LRFN2: variants seen among roughly 807,000 people sequenced by gnomAD.
LRFN2 encodes leucine-rich repeat and fibronectin type-III domain-containing protein 2.
LRFN2 carries 18 observed loss-of-function variants against 37.3 expected under a neutral mutation model. The observed-to-expected ratio is 0.48, with a 90% confidence interval of 0.33 to 0.72. LRFN2 has a LOEUF of 0.72. Ranked by LOEUF, LRFN2 falls within the 30% of genes least tolerant of loss-of-function variation. LRFN2 has a pLI of 0.02. For synonymous variants in LRFN2, 556 were observed against 466.6 expected, an observed-to-expected ratio of 1.19 and a Z score of -2.47; for missense variants, 1,006 against 1,060.7, an observed-to-expected ratio of 0.95 and a Z score of 0.72.
intron 2 of LRFN2, among the ~76,000 whole-genome samples, chr6:40,420,208 C>A (rs1763190180): frequency 6.6e-6 from 1 of 152,224 alleles, no homozygotes; most frequent in African/African-American, 2.4e-5. Flanking sequence ...CTGCATGGCC[C>A]TGCATTCACC....
intron 1 of LRFN2, among the ~76,000 whole-genome samples, chr6:40,523,349 G>A (rs571262668): frequency 3.1e-4 from 47 of 152,070 alleles, no homozygotes; most frequent in Middle Eastern, 3.4e-3. Context: ...TGGGTTTCAC[G>A]CAAAATGGGG....
rs1337252345 is a variant in LRFN2 at position 40,482,924 on chromosome 6, G to T, written c.-18-49793C>A. 3.3e-5 allele frequency among the ~76,000 whole-genome samples: 5 copies of T among 152,202 alleles called. No individual in the cohort carries two copies. The East Asian group carries it at 9.7e-4, about 29-fold the overall frequency. On this transcript the variant is annotated intron_variant, in intron 1 of 2. Coordinates refer to ENST00000338305, the MANE Select transcript of LRFN2 (RefSeq NM_020737.3). Reference sequence around the variant, plus strand: ...ACATGACTAGGGCGCCTAAGGGGCTGTGCCCACGCCACTGCCAGCTCCCTG... The same window carrying T: ...ACATGACTAGGGCGCCTAAGGGGCTTTGCCCACGCCACTGCCAGCTCCCTG...
chr6:40,509,030 G>A (rs545950800), intron 1 of LRFN2, among the ~76,000 whole-genome samples: 1 of 152,292 alleles, frequency 6.6e-6, no homozygotes, highest in African/African-American at 2.4e-5. Context: ...CCTTCCACCT[G>A]TGAGGTCTGC....
intron 1 of LRFN2, among the ~76,000 whole-genome samples, chr6:40,577,450 C>T (rs1226294697): frequency 2.0e-5 from 3 of 152,154 alleles, no homozygotes; most frequent in Non-Finnish European, 4.4e-5. Flanking sequence ...TCTTTCAAAC[C>T]AAAAGATCCA....
At chr6:40,523,249 C>T (rs1001217401) in intron 1 of LRFN2, among the ~76,000 whole-genome samples, 22 of 152,116 alleles carry the variant, frequency 1.4e-4, no homozygotes, top group African/African-American at 3.9e-4. Context: ...ATTTGAACCC[C>T]TCCTTGTCCT....
intron 2 of LRFN2, among the ~76,000 whole-genome samples, chr6:40,396,551 C>A (rs6931327): frequency 1.3e-5 from 2 of 152,124 alleles, no homozygotes; most frequent in Admixed American, 1.3e-4. Flanking sequence ...TCTTGGCGGG[C>A]CACTGGAACC....
chr6:40,583,153 T>C (rs1302529088), intron 1 of LRFN2, among the ~76,000 whole-genome samples: 8 of 150,952 alleles, frequency 5.3e-5, no homozygotes, highest in Non-Finnish European at 1.2e-4. Flanking sequence ...ACTTAATCTT[T>C]TGATATAAAA....
At chr6:40,466,920 A>C (rs58590585) in intron 1 of LRFN2, among the ~76,000 whole-genome samples, 2 of 151,998 alleles carry the variant, frequency 1.3e-5, no homozygotes, top group Admixed American at 6.5e-5. Context: ...GGTATTCTTA[A>C]AAGAAGTAAA....
intron 1 of LRFN2, among the ~76,000 whole-genome samples, chr6:40,474,526 G>A (rs1764669257): frequency 6.6e-6 from 1 of 152,090 alleles, no homozygotes; most frequent in South Asian, 2.1e-4. Flanking sequence ...GTCTCACTCT[G>A]TCACCCAGGC....
intron 1 of LRFN2, among the ~76,000 whole-genome samples, chr6:40,508,146 C>T (rs974649401): frequency 2.6e-5 from 4 of 152,200 alleles, no homozygotes; most frequent in East Asian, 3.8e-4. Flanking sequence ...CTCACCTCCA[C>T]CTAAACTTGA....
chr6:40,449,880 A>AG (rs1465127396), intron 1 of LRFN2, among the ~76,000 whole-genome samples: 3 of 152,142 alleles, frequency 2.0e-5, no homozygotes, highest in Non-Finnish European at 4.4e-5. Flanking sequence ...TACATGATAG[A>AG]GAAAAAAAAA....
intron 1 of LRFN2, among the ~76,000 whole-genome samples, chr6:40,468,421 A>C (rs900047177): frequency 3.3e-5 from 5 of 152,154 alleles, no homozygotes; most frequent in Non-Finnish European, 5.9e-5. Context: ...AAAGCAAAGG[A>C]ATCAGTGAGA....
At chr6:40,424,342 C>T (rs1336967932) in intron 2 of LRFN2, among the ~76,000 whole-genome samples, 1 of 152,310 alleles carries the variant, frequency 6.6e-6, no homozygotes, top group East Asian at 1.9e-4. Flanking sequence ...GCTGGTGTCC[C>T]CACCCCAAGT....
At chr6:40,459,715 T>C (rs542208372) in intron 1 of LRFN2, among the ~76,000 whole-genome samples, 1 of 152,352 alleles carries the variant, frequency 6.6e-6, no homozygotes, top group East Asian at 1.9e-4. Flanking sequence ...TCTTTTGGGA[T>C]GCTTGGCACT....
At chr6:40,465,365 G>A (rs1764436026) in intron 1 of LRFN2, among the ~76,000 whole-genome samples, 2 of 152,160 alleles carry the variant, frequency 1.3e-5, no homozygotes, top group African/African-American at 4.8e-5. Context: ...TGTTACAGAA[G>A]CAACAGGAAA....
intron 1 of LRFN2, among the ~76,000 whole-genome samples, chr6:40,582,417 C>T (rs1767420712): frequency 6.6e-6 from 1 of 151,692 alleles, no homozygotes; most frequent in African/African-American, 2.4e-5. Context: ...CAGGGAGGCC[C>T]CGGCTCTCCT....
intron 1 of LRFN2, among the ~76,000 whole-genome samples, chr6:40,473,530 C>A (rs1468813423): frequency 6.6e-6 from 1 of 152,158 alleles, no homozygotes; most frequent in Non-Finnish European, 1.5e-5. Context: ...ATTCATTAAA[C>A]CCTCACAACA....
intron 2 of LRFN2, among the ~76,000 whole-genome samples, chr6:40,404,987 C>T (rs1357198910): frequency 1.3e-5 from 2 of 152,212 alleles, no homozygotes; most frequent in African/African-American, 4.8e-5. Context: ...GTGCCCCAGC[C>T]CCTTCCCAAG....
At position 40,432,477 on chromosome 6, in the gene LRFN2, G is replaced by A; in HGVS notation, c.637C>T (p.Pro213Ser). 1.2e-6 allele frequency: 2 copies of A among 1,614,242 alleles called. No homozygotes were observed. Among genetic ancestry groups the A allele is most frequent in the Non-Finnish European group, 1.7e-6 (2 of 1,180,052 alleles). Residue 213 changes from proline (P) to serine (S), a missense_variant, in exon 2 of 3, where the codon CCC becomes TCC. Physicochemically the swap from Pro to Ser is moderately conservative, Grantham distance 74. Transcript: ENST00000338305. ...DLTSNRLQKL[P>S]PDPIFARSQA... ...GAGCGGGCAAAGATGGGATCAGGGG[G>A]CAGCTTCTGCAGCCGATTGGAGGTG...
Sources: allele counts gnomAD v4.1 joint callset (sites outside exome capture counted in the v4.1 genomes callset), GRCh38; gene constraint gnomAD v4.1.1; transcripts MANE v1.5; gene names NCBI Gene and HGNC (gene_info 2026-07-23, HGNC 2026-07-21).